The following ZNG1B variants were observed in gnomAD, a reference collection of about 807,000 sequenced individuals.
ZNG1B encodes the protein Zn regulated GTPase metalloprotein activator 1B.
the ZNG1B span, among the ~76,000 whole-genome samples, chr2:113,462,031 A>G: frequency 3.9e-5 from 6 of 152,172 alleles, no homozygotes; most frequent in African/African-American, 9.7e-5. Flanking sequence ...ACCATATTGG[A>G]TATCTGAATT....
the ZNG1B span, among the ~76,000 whole-genome samples, chr2:113,463,246 G>A: frequency 1.3e-5 from 2 of 152,078 alleles, no homozygotes; most frequent in African/African-American, 4.8e-5. Context: ...GAATTATTTT[G>A]TAAGACCTGA....
the ZNG1B span, among the ~76,000 whole-genome samples, chr2:113,473,000 T>G: frequency 6.0e-5 from 9 of 150,906 alleles, no homozygotes; most frequent in Non-Finnish European, 1.0e-4. Context: ...AACTTTAAAG[T>G]AGTTTTTTCC....
the ZNG1B span, chr2:113,465,024 G>A: frequency 5.7e-5 from 20 of 352,822 alleles, no homozygotes; most frequent in African/African-American, 4.2e-4. Flanking sequence ...AGATGTATTT[G>A]GGTATGCTTA....
chr2:113,437,949 G>A, the ZNG1B span: 1 of 1,612,034 alleles, frequency 6.2e-7, no homozygotes, highest in Non-Finnish European at 8.5e-7. Context: ...CCATGGAGAC[G>A]ACGCAAAGCG....
the ZNG1B span, among the ~76,000 whole-genome samples, chr2:113,472,347 G>A: frequency 3.3e-5 from 5 of 151,846 alleles, no homozygotes; most frequent in Admixed American, 3.3e-4. Context: ...TTTTTTTCTT[G>A]TAAATTTGTT....
At chr2:113,471,112 A>G in the ZNG1B span, 2 of 1,455,974 alleles carry the variant, frequency 1.4e-6, no homozygotes, top group East Asian at 2.3e-5. Context: ...TAATTTGGTT[A>G]CTTTTATTGT....
chr2:113,486,260 AT>A, the ZNG1B span, among the ~76,000 whole-genome samples: 2 of 127,154 alleles, frequency 1.6e-5, no homozygotes, highest in Admixed American at 8.6e-5. Flanking sequence ...GGAATTACAG[AT>A]TTTTTTCAGG....
At chr2:113,482,282 T>C in the ZNG1B span, 4 of 739,652 alleles carry the variant, frequency 5.4e-6, no homozygotes, top group Non-Finnish European at 9.1e-6. Context: ...TTAAAGGACC[T>C]CTTTAACTAG....
the ZNG1B span, among the ~76,000 whole-genome samples, chr2:113,474,330 G>A: frequency 6.7e-6 from 1 of 149,084 alleles, no homozygotes. Flanking sequence ...GATCGGTGGT[G>A]ATATCCCCTT....
chr2:113,456,500 A>G, the ZNG1B span, among the ~76,000 whole-genome samples: 1 of 152,002 alleles, frequency 6.6e-6, no homozygotes, highest in Admixed American at 6.5e-5. Context: ...GCTAAAAGTC[A>G]AACTGTTTAT....
chr2:113,469,267 C>G, the ZNG1B span: 1 of 152,040 alleles, frequency 6.6e-6, no homozygotes, highest in Non-Finnish European at 1.5e-5. Context: ...CTTCACCCTC[C>G]GGGTAGCTGG....
chr2:113,456,829 A>C, the ZNG1B span, among the ~76,000 whole-genome samples: 1 of 152,164 alleles, frequency 6.6e-6, no homozygotes, highest in Admixed American at 6.5e-5. Context: ...GCTTGACCTC[A>C]GTAGCTGCTT....
chr2:113,462,147 T>C, the ZNG1B span, among the ~76,000 whole-genome samples: 1 of 152,170 alleles, frequency 6.6e-6, no homozygotes, highest in Non-Finnish European at 1.5e-5. Flanking sequence ...TAACAGAACT[T>C]AGTAAATACT....
At chr2:113,437,894 A>G in the ZNG1B span, 9 of 1,611,768 alleles carry the variant, frequency 5.6e-6, no homozygotes, top group Admixed American at 1.0e-4. Context: ...GGATCTGCGG[A>G]TGAGGAGGAG....
At chr2:113,487,085 G>A in the ZNG1B span, among the ~76,000 whole-genome samples, 1 of 151,936 alleles carries the variant, frequency 6.6e-6, no homozygotes, top group Non-Finnish European at 1.5e-5. Flanking sequence ...GTATAGTCAT[G>A]CACCGCATAA....
the ZNG1B span, among the ~76,000 whole-genome samples, chr2:113,487,270 G>T: frequency 6.6e-6 from 1 of 151,920 alleles, no homozygotes; most frequent in Non-Finnish European, 1.5e-5. Flanking sequence ...TGTGTAGTAG[G>T]TTATACCATC....
At chr2:113,470,129 C>G in the ZNG1B span, 1 of 151,626 alleles carries the variant, frequency 6.6e-6, no homozygotes, top group Admixed American at 6.6e-5. Flanking sequence ...GTAGCTGGGA[C>G]TACAGGTGCG....
chr2:113,461,253 A>AT, the ZNG1B span, among the ~76,000 whole-genome samples: 3 of 149,304 alleles, frequency 2.0e-5, no homozygotes, highest in African/African-American at 4.9e-5. Flanking sequence ...TTTTATTTTT[A>AT]TTTTTTTTAG....
chr2:113,477,451 A>G, the ZNG1B span, among the ~76,000 whole-genome samples: 3 of 152,200 alleles, frequency 2.0e-5, no homozygotes, highest in South Asian at 6.2e-4. Flanking sequence ...CCGGTACCTC[A>G]GATGGAAATG....
Sources: gnomAD v4.1 joint callset for allele counts (sites outside exome capture counted in the v4.1 genomes callset) on GRCh38, gnomAD v4.1.1 for gene constraint, MANE v1.5 for transcripts, NCBI Gene and HGNC (gene_info 2026-07-23, HGNC 2026-07-21) for gene names.